The following ROBO2 variants were observed in gnomAD, a reference collection of about 807,000 sequenced individuals.
ROBO2 encodes roundabout guidance receptor 2.
A neutral mutation model predicts 160.8 loss-of-function variants in ROBO2; 53 were observed. The ratio of observed to expected loss-of-function variants is 0.33; its 90% CI spans 0.26 to 0.41. The LOEUF (loss-of-function observed/expected upper bound fraction) is 0.41. Ranked by LOEUF, ROBO2 falls within the 10% of genes least tolerant of loss-of-function variation. The pLI is 1.00. For synonymous variants in ROBO2, 664 were observed against 611.7 expected, an observed-to-expected ratio of 1.09 and a Z score of -1.26; for missense variants, 1,577 against 1,722.4, an observed-to-expected ratio of 0.92 and a Z score of 1.49.
chr3:76,913,879 TAATACTCCTTTAGAGGAGTAACTGTGAAA>T (rs2076148335), intron 2 of ROBO2, among the ~76,000 whole-genome samples: 2 of 151,996 alleles, frequency 1.3e-5, no homozygotes, highest in Non-Finnish European at 2.9e-5. Context: ...AGTAACTGAA[TAATACTCCTTTAGAGGAGTAACTGTGAAA>T]AATACTCCTT....
chr3:77,151,831 ACCTTT>A (rs1305724820), intron 2 of ROBO2, among the ~76,000 whole-genome samples: 4 of 152,214 alleles, frequency 2.6e-5, no homozygotes, highest in African/African-American at 9.6e-5. Context: ...TATCAGTTGT[ACCTTT>A]TCATAGTGTA....
intron 2 of ROBO2, among the ~76,000 whole-genome samples, chr3:76,466,189 T>C (rs1226304791): frequency 6.6e-6 from 1 of 151,946 alleles, no homozygotes; most frequent in Non-Finnish European, 1.5e-5. Context: ...CTACATATGA[T>C]ATCACTCATC....
chr3:77,437,610 C>A (rs1051549320), intron 2 of ROBO2, among the ~76,000 whole-genome samples: 7 of 151,878 alleles, frequency 4.6e-5, no homozygotes, highest in Admixed American at 4.6e-4. Context: ...ACATGTTTAA[C>A]CTTTCTAAGT....
At chr3:76,313,442 T>A (rs942004689) in intron 2 of ROBO2, among the ~76,000 whole-genome samples, 2 of 152,220 alleles carry the variant, frequency 1.3e-5, no homozygotes, top group African/African-American at 4.8e-5. Context: ...TTCAACATTA[T>A]TTCCCTTTTC....
chr3:77,090,119 A>G (rs1392829147), intron 1 of ROBO2, among the ~76,000 whole-genome samples: 1 of 152,116 alleles, frequency 6.6e-6, no homozygotes, highest in East Asian at 1.9e-4. Context: ...ATAAAACATT[A>G]ATGTCAGAAT....
chr3:77,228,226 G>T (rs2086726052), intron 2 of ROBO2, among the ~76,000 whole-genome samples: 1 of 151,992 alleles, frequency 6.6e-6, no homozygotes, highest in South Asian at 2.1e-4. Flanking sequence ...GAGTGCAGTG[G>T]CATGATCACA....
At chr3:76,825,972 C>G (rs1481781659) in intron 2 of ROBO2, among the ~76,000 whole-genome samples, 1 of 150,442 alleles carries the variant, frequency 6.6e-6, no homozygotes, top group Non-Finnish European at 1.5e-5. Flanking sequence ...TCCTAGGGAG[C>G]AGGAAAAATC....
intron 2 of ROBO2, among the ~76,000 whole-genome samples, chr3:77,115,210 TAATAA>T: frequency 6.6e-6 from 1 of 152,118 alleles, no homozygotes; most frequent in East Asian, 1.9e-4. Context: ...TTTAGTACTT[TAATAA>T]AATAAAATAT....
chr3:76,240,568 T>A, intron 2 of ROBO2, among the ~76,000 whole-genome samples: 1 of 152,306 alleles, frequency 6.6e-6, no homozygotes, highest in South Asian at 2.1e-4. Flanking sequence ...TCTAGAATAA[T>A]CTAAGTGCTA....
chr3:76,143,067 C>G (rs994445414), intron 2 of ROBO2, among the ~76,000 whole-genome samples: 1 of 151,676 alleles, frequency 6.6e-6, no homozygotes, highest in Non-Finnish European at 1.5e-5. Context: ...TGCCCTGTCA[C>G]CCAGGCTGGA....
chr3:77,283,699 G>C (rs1260576208), intron 2 of ROBO2, among the ~76,000 whole-genome samples: 1 of 152,010 alleles, frequency 6.6e-6, no homozygotes, highest in Non-Finnish European at 1.5e-5. Context: ...ACATCTCTCT[G>C]ATTATTCAAT....
At chr3:76,394,564 C>A (rs936193221) in intron 2 of ROBO2, among the ~76,000 whole-genome samples, 1 of 151,990 alleles carries the variant, frequency 6.6e-6, no homozygotes, top group South Asian at 2.1e-4. Flanking sequence ...TTTTTTCCTT[C>A]GTTTCAACTT....
chr3:76,850,212 G>A (rs1401496167), intron 2 of ROBO2, among the ~76,000 whole-genome samples: 2 of 152,010 alleles, frequency 1.3e-5, no homozygotes, highest in Non-Finnish European at 1.5e-5. Context: ...GCTCTTAGTG[G>A]ATTAAGATTT....
intron 2 of ROBO2, among the ~76,000 whole-genome samples, chr3:76,246,480 T>A (rs547197326): frequency 6.6e-6 from 1 of 152,304 alleles, no homozygotes; most frequent in East Asian, 1.9e-4. Context: ...TTTACAACTT[T>A]TTCCTGCATT....
rs56915475 is a variant in ROBO2, at chr3:76,528,766, A to G, written c.110-569248A>G. On this transcript the variant is annotated intron_variant, in intron 2 of 26. Coordinates refer to the ROBO2 transcript ENST00000487694. ...CACCAGGGGAAGGAGGAGAGAAAAT[A>G]TAAGAGTTCCTAGGACTGAAGCCTA... Among the ~76,000 whole-genome samples the G allele has an allele frequency of 1.8e-3, 271 of 152,230 alleles. 1 individual carries two copies. The highest frequency in any genetic ancestry group is 6.4e-3 in the African/African-American group (266 of 41,552).
intron 2 of ROBO2, among the ~76,000 whole-genome samples, chr3:76,783,421 T>A (rs111809735): frequency 6.7e-6 from 1 of 150,300 alleles, no homozygotes; most frequent in East Asian, 2.0e-4. Flanking sequence ...TGATGAAATC[T>A]CAGTGTTTGT....
chr3:75,941,967 C>T (rs1180920672), intron 2 of ROBO2, among the ~76,000 whole-genome samples: 1 of 150,964 alleles, frequency 6.6e-6, no homozygotes, highest in East Asian at 1.9e-4. Flanking sequence ...AAACAGCCCT[C>T]TCTCTCTCTC....
chr3:77,110,976 GAA>G (rs2073503062), intron 2 of ROBO2, among the ~76,000 whole-genome samples: 1 of 152,074 alleles, frequency 6.6e-6, no homozygotes, highest in South Asian at 2.1e-4. Flanking sequence ...CTACAGGTGT[GAA>G]CCATTGGGCC....
At chr3:76,722,996 A>T (rs932993998) in intron 2 of ROBO2, among the ~76,000 whole-genome samples, 18 of 152,188 alleles carry the variant, frequency 1.2e-4, no homozygotes, top group African/African-American at 4.3e-4. Context: ...GGAAAATAAA[A>T]CTATAGATAT....
Sources: allele counts gnomAD v4.1 joint callset (sites outside exome capture counted in the v4.1 genomes callset), GRCh38; gene constraint gnomAD v4.1.1; transcripts MANE v1.5; gene names NCBI Gene and HGNC (gene_info 2026-07-23, HGNC 2026-07-21).